Variants in LRRC40 observed in about 807,000 individuals in gnomAD.
LRRC40 encodes leucine rich repeat containing 40, also known as leucine-rich repeat-containing protein 40.
Under a neutral mutation model 72.8 loss-of-function variants are expected in LRRC40, and 76 were observed. The ratio of observed to expected loss-of-function variants is 1.04; its 90% CI spans 0.87 to 1.26. The LOEUF (loss-of-function observed/expected upper bound fraction) is 1.26, where lower values mean the gene tolerates loss of function less well. Ranked by LOEUF, LRRC40 falls within the 50% of genes most tolerant of loss-of-function variation. The probability of loss-of-function intolerance (pLI) is 0.00; values close to 1 mark genes in which losing one functional copy is unlikely to be tolerated. For synonymous variants in LRRC40, 243 were observed against 254.2 expected (o/e 0.96, Z 0.42); for missense variants, 684 against 698.9 (o/e 0.98, Z 0.24).
At chr1:70,196,141 T>C (rs1668605459) in intron 1 of LRRC40, among the ~76,000 whole-genome samples, 1 of 151,362 alleles carries the variant, frequency 6.6e-6, no homozygotes. Context: ...ACAAGAAAGC[T>C]TATAGCAATT....
Position 70,178,945 on chromosome 1 carries a change from G to A in LRRC40, c.710C>T (p.Pro237Leu), listed in dbSNP as rs762877891. Reference sequence around the variant, plus strand: ...TAGTGATTCCATGCCAGCCAATTCAGGAGGTATAGTTTCCAAGAGATTTGA... The same window carrying A: ...TAGTGATTCCATGCCAGCCAATTCAAGAGGTATAGTTTCCAAGAGATTTGA... The part of the protein sequence containing the change: ...CNSNLLETIP[P>L]ELAGMESLEL... The change falls in exon 6 of 15, where the codon CCT becomes CTT. Residue 237 changes from proline (P) to leucine (L), a missense_variant. Transcript: ENST00000370952. 6.2e-7 allele frequency: 1 copy of A among 1,601,544 alleles called. No homozygotes were observed. The highest frequency in any genetic ancestry group is 8.5e-7 in the Non-Finnish European group (1 of 1,171,704).
At chr1:70,181,048 T>C in intron 5 of LRRC40, 38 bp downstream of exon 5, 4 of 1,378,982 alleles carry the variant, frequency 2.9e-6, no homozygotes, top group Non-Finnish European at 4.0e-6. Context: ...TTGCACCAAC[T>C]TCAAATTTAT....
chr1:70,179,667 T>G (rs527331373), intron 5 of LRRC40, among the ~76,000 whole-genome samples: 243 of 152,332 alleles, frequency 1.6e-3, no homozygotes, highest in Non-Finnish European at 3.0e-3. Flanking sequence ...AGTTGATTTA[T>G]CAACTTAAGT....
In LRRC40 at chr1:70,175,917, T is replaced by C. The variant is rs578167353; in HGVS notation, c.870A>G (p.Ser290=). 2.4e-5 allele frequency: 38 copies of C among 1,599,586 alleles called. 1 individual carries two copies. In the African/African-American group the frequency reaches 2.8e-4, roughly 12 times the overall value. ...LEAEHLKHLN[S]ILVLDLRDNK... ...TATCCCTCAGGTCTAGCACAAGAAT[T>C]GAATTCAGATGTTTAAGATGTTCTG... Residue 290 remains serine, a synonymous_variant, in exon 7 of 15, where the codon TCA becomes TCG. Transcript: ENST00000370952.
At chr1:70,187,635 G>A (rs892324550) in intron 2 of LRRC40, among the ~76,000 whole-genome samples, 1 of 151,322 alleles carries the variant, frequency 6.6e-6, no homozygotes, top group Non-Finnish European at 1.5e-5. Context: ...GACTAGCCTA[G>A]GCAAATTAGT....
chr1:70,161,149 G>A (rs1349394737), intron 9 of LRRC40, among the ~76,000 whole-genome samples: 5 of 150,720 alleles, frequency 3.3e-5, no homozygotes, highest in East Asian at 2.0e-4. Flanking sequence ...GTGCAGTGGC[G>A]CGATCTCGCA....
At chr1:70,191,590 A>C (rs1668501996) in intron 1 of LRRC40, among the ~76,000 whole-genome samples, 1 of 151,972 alleles carries the variant, frequency 6.6e-6, no homozygotes. Flanking sequence ...ATTACTTACT[A>C]CTCATTCTTT....
chr1:70,160,778 C>T (rs895440428), intron 9 of LRRC40, among the ~76,000 whole-genome samples: 7 of 151,878 alleles, frequency 4.6e-5, no homozygotes, highest in Non-Finnish European at 7.4e-5. Context: ...GATTTCCTTT[C>T]ATTATATATC....
intron 9 of LRRC40, among the ~76,000 whole-genome samples, chr1:70,163,385 C>T (rs1459359933): frequency 6.6e-6 from 1 of 152,178 alleles, no homozygotes; most frequent in African/African-American, 2.4e-5. Context: ...CCACCCCCAG[C>T]CTGCATTCCT....
chr1:70,203,357 C>T (rs1247050295), intron 1 of LRRC40, among the ~76,000 whole-genome samples: 4 of 152,124 alleles, frequency 2.6e-5, no homozygotes, highest in African/African-American at 9.7e-5. Flanking sequence ...GGAAAAATAA[C>T]TCTTGGTAAT....
intron 9 of LRRC40, among the ~76,000 whole-genome samples, chr1:70,172,715 G>T (rs1301317948): frequency 6.6e-6 from 1 of 152,034 alleles, no homozygotes; most frequent in Non-Finnish European, 1.5e-5. Flanking sequence ...GGATAAAGTA[G>T]AAAAAATAGC....
At chr1:70,151,359 A>G (rs1311466152) in intron 12 of LRRC40, among the ~76,000 whole-genome samples, 154 bp from the exon 13 acceptor site, 1 of 152,146 alleles carries the variant, frequency 6.6e-6, no homozygotes, top group Non-Finnish European at 1.5e-5. Flanking sequence ...AGAATTCTGA[A>G]TCAGTCACCT....
chr1:70,159,684 C>G (rs562252000), intron 9 of LRRC40, among the ~76,000 whole-genome samples: 12 of 152,156 alleles, frequency 7.9e-5, no homozygotes, highest in Admixed American at 3.3e-4. Context: ...GGAAATTTAG[C>G]AGTAAGAAAG....
chr1:70,191,442 T>C (rs1483460764), intron 1 of LRRC40, among the ~76,000 whole-genome samples: 1 of 152,188 alleles, frequency 6.6e-6, no homozygotes, highest in South Asian at 2.1e-4. Flanking sequence ...CCATCAACTA[T>C]ACTGAGTATT....
intron 5 of LRRC40, among the ~76,000 whole-genome samples, chr1:70,179,690 A>G (rs1414926319): frequency 1.3e-5 from 2 of 152,110 alleles, no homozygotes; most frequent in African/African-American, 4.8e-5. Flanking sequence ...AGATGTTCCT[A>G]TCTCTCAAGA....
intron 9 of LRRC40, among the ~76,000 whole-genome samples, chr1:70,165,588 G>A (rs906933024): frequency 1.2e-4 from 18 of 151,962 alleles, no homozygotes; most frequent in African/African-American, 3.6e-4. Context: ...CAAATGATCG[G>A]CACTGTTTTC....
chr1:70,171,448 A>G (rs1489883368), intron 9 of LRRC40, among the ~76,000 whole-genome samples: 4 of 152,188 alleles, frequency 2.6e-5, no homozygotes, highest in Admixed American at 1.3e-4. Flanking sequence ...TATATTTAAC[A>G]AAGGATTTGT....
At chr1:70,193,035 C>A (rs1668535233) in intron 1 of LRRC40, among the ~76,000 whole-genome samples, 1 of 151,910 alleles carries the variant, frequency 6.6e-6, no homozygotes, top group Non-Finnish European at 1.5e-5. Flanking sequence ...TAATAATTAT[C>A]AGCACATGTC....
intron 9 of LRRC40, among the ~76,000 whole-genome samples, chr1:70,164,118 G>A (rs1667826187): frequency 6.6e-6 from 1 of 152,020 alleles, no homozygotes; most frequent in African/African-American, 2.4e-5. Flanking sequence ...AGGTGCAGTG[G>A]CTGGGATCAC....
Sources: gnomAD v4.1 joint callset for allele counts (sites outside exome capture counted in the v4.1 genomes callset) on GRCh38, gnomAD v4.1.1 for gene constraint, MANE v1.5 for transcripts, NCBI Gene and HGNC (gene_info 2026-07-23, HGNC 2026-07-21) for gene names.